LIMCH1: variants seen among roughly 807,000 people sequenced by gnomAD.
The protein encoded by LIMCH1 is LIM and calponin homology domains-containing protein 1.
Under a neutral mutation model 176.5 loss-of-function variants are expected in LIMCH1, and 113 were observed. The observed-to-expected ratio is 0.64, with a 90% confidence interval of 0.55 to 0.75. The LOEUF (loss-of-function observed/expected upper bound fraction) is 0.75. Among genes scored for constraint, LIMCH1 ranks in the 30% least tolerant of loss-of-function variants. The probability of loss-of-function intolerance (pLI) is 0.00; values close to 1 mark genes in which losing one functional copy is unlikely to be tolerated. For synonymous variants in LIMCH1, 619 were observed against 645.9 expected (o/e 0.96, Z 0.63); for missense variants, 1,674 against 1,814.9 (o/e 0.92, Z 1.41).
intron 15 of LIMCH1, 23 bp downstream of exon 15, chr4:41,644,649 G>A (rs1225147628): frequency 1.9e-6 from 3 of 1,590,932 alleles, no homozygotes; most frequent in African/African-American, 1.4e-5. Context: ...CAAGGCGCGC[G>A]GGCAGCGGGG....
At chr4:41,682,924 G>A (rs963784893) in intron 26 of LIMCH1, among the ~76,000 whole-genome samples, 9 of 152,124 alleles carry the variant, frequency 5.9e-5, no homozygotes, top group African/African-American at 2.2e-4. Context: ...TGATCCACCT[G>A]CCTCTACCTC....
At position 41,681,021 on chromosome 4, in the gene LIMCH1, T is replaced by G. The variant is rs761653460; in HGVS notation, c.3679T>G (p.Ser1227Ala). 6.2e-7 allele frequency: 1 copy of G among 1,612,596 alleles called. No individual in the cohort carries two copies. The highest frequency in any genetic ancestry group is 1.1e-5 in the South Asian group (1 of 91,006). Residue 1227 changes from serine (S) to alanine (A), a missense_variant, in exon 25 of 32, where the codon TCT (serine) becomes GCT (alanine). Ser to Ala is a moderately conservative substitution (Grantham distance 99). Coordinates refer to ENST00000503057, the MANE Select transcript of LIMCH1 (RefSeq NM_001330672.2). ...TTCTTCAAGTTCCGCTGACCAGCTG[T>G]CTACCTCTTCCTCCATGACTGAAGG... ...TVSSSSADQL[S>A]TSSSMTEGSG...
chr4:41,410,443 C>T (rs1034841459), intron 1 of LIMCH1, among the ~76,000 whole-genome samples: 12 of 152,172 alleles, frequency 7.9e-5, no homozygotes, highest in African/African-American at 2.7e-4. Context: ...TCATTGGCGT[C>T]GTAGGAAAGA....
intron 1 of LIMCH1, among the ~76,000 whole-genome samples, chr4:41,482,834 G>A (rs1052808447): frequency 6.6e-6 from 1 of 152,156 alleles, no homozygotes; most frequent in African/African-American, 2.4e-5. Context: ...CCATTAGCAT[G>A]TCTTAATTAG....
intron 1 of LIMCH1, among the ~76,000 whole-genome samples, chr4:41,565,113 T>C (rs1227931170): frequency 2.0e-5 from 3 of 152,136 alleles, no homozygotes; most frequent in Non-Finnish European, 4.4e-5. Flanking sequence ...ATAAGCAGTG[T>C]CCTCAAATTA....
intron 22 of LIMCH1, 56 bp from the exon 23 acceptor site, chr4:41,676,326 G>A: frequency 7.0e-7 from 1 of 1,425,610 alleles, no homozygotes; most frequent in Admixed American, 1.7e-5. Flanking sequence ...TCTTCACCCG[G>A]CCTGTCCCTT....
intron 1 of LIMCH1, among the ~76,000 whole-genome samples, chr4:41,368,903 G>C (rs984663538): frequency 4.6e-5 from 7 of 152,126 alleles, no homozygotes; most frequent in Non-Finnish European, 1.0e-4. Flanking sequence ...TAAAATTCTT[G>C]GACAAAATAG....
intron 1 of LIMCH1, among the ~76,000 whole-genome samples, chr4:41,428,243 T>C (rs1428452396): frequency 6.6e-6 from 1 of 152,206 alleles, no homozygotes; most frequent in Non-Finnish European, 1.5e-5. Flanking sequence ...TCAAATCATC[T>C]GCCTCTTACT....
intron 3 of LIMCH1, among the ~76,000 whole-genome samples, chr4:41,530,179 T>C (rs1278319501): frequency 6.6e-6 from 1 of 152,228 alleles, no homozygotes; most frequent in Non-Finnish European, 1.5e-5. Context: ...TTCCACATTA[T>C]GAGAAGATTA....
chr4:41,625,102 G>A (rs114552286), intron 7 of LIMCH1, among the ~76,000 whole-genome samples: 1 of 152,174 alleles, frequency 6.6e-6, no homozygotes, highest in Non-Finnish European at 1.5e-5. Context: ...AAGCCAGACA[G>A]CCTGGCCTGC....
At chr4:41,384,326 T>C (rs2056169078) in intron 1 of LIMCH1, among the ~76,000 whole-genome samples, 1 of 151,434 alleles carries the variant, frequency 6.6e-6, no homozygotes, top group Non-Finnish European at 1.5e-5. Flanking sequence ...TGCCTCAGCC[T>C]CCCTAGTAAC....
intron 24 of LIMCH1, among the ~76,000 whole-genome samples, chr4:41,680,576 A>G (rs1228357913): frequency 1.3e-5 from 2 of 152,214 alleles, no homozygotes; most frequent in African/African-American, 4.8e-5. Flanking sequence ...GCCAGAACAC[A>G]TTAGATAACT....
chr4:41,667,753 G>A (rs1049382164), intron 21 of LIMCH1, among the ~76,000 whole-genome samples: 2 of 152,138 alleles, frequency 1.3e-5, no homozygotes, highest in African/African-American at 4.8e-5. Flanking sequence ...AGTGGAGGAT[G>A]GGTTCTGAGA....
In LIMCH1 at chr4:41,676,422, G is replaced by C; in HGVS notation, c.3479G>C (p.Arg1160Pro). ...WAWDPEEERR[R>P]QEKWQQEQER... ...TGGGACCCAGAAGAGGAGCGCAGGC[G>C]ACAGGAAAAATGGCAACAGGAACAG... is the stretch of plus-strand genomic sequence containing the variant. The change falls in exon 23 of 32, where the codon CGA becomes CCA. Residue 1160 changes from arginine to proline, a missense_variant. Coordinates refer to ENST00000503057, the MANE Select transcript of LIMCH1 (RefSeq NM_001330672.2). 1 of 1,614,040 alleles carries C rather than the reference G, an allele frequency of 6.2e-7. No individual in the cohort carries two copies. The highest frequency in any genetic ancestry group is 8.5e-7 in the Non-Finnish European group (1 of 1,179,916).
chr4:41,547,863 G>GTGTATATATATATATATATATA (rs774873739), intron 1 of LIMCH1, among the ~76,000 whole-genome samples: 1 of 93,220 alleles, frequency 1.1e-5, no homozygotes, highest in African/African-American at 4.4e-5. Context: ...TTGTGTGTGT[G>GTGTATATATATATATATATATA]TATATATATA....
chr4:41,588,593 G>A (rs2086906865), intron 1 of LIMCH1, among the ~76,000 whole-genome samples: 1 of 152,150 alleles, frequency 6.6e-6, no homozygotes, highest in Non-Finnish European at 1.5e-5. Flanking sequence ...ACATAAACAT[G>A]GGAATCAGAC....
At chr4:41,594,392 C>T (rs2088299589) in intron 1 of LIMCH1, among the ~76,000 whole-genome samples, 1 of 152,284 alleles carries the variant, frequency 6.6e-6, no homozygotes, top group African/African-American at 2.4e-5. Flanking sequence ...TACTTCTTTT[C>T]CCTTGGGATT....
chr4:41,469,830 T>C (rs1431498312), intron 1 of LIMCH1, among the ~76,000 whole-genome samples: 4 of 151,968 alleles, frequency 2.6e-5, no homozygotes, highest in African/African-American at 9.7e-5. Flanking sequence ...TACAGGTGCC[T>C]GCCACCAGGC....
At chr4:41,618,165 C>T (rs771616415) in intron 5 of LIMCH1, among the ~76,000 whole-genome samples, 8 of 152,128 alleles carry the variant, frequency 5.3e-5, no homozygotes, top group Non-Finnish European at 7.4e-5. Flanking sequence ...TTTGTTACCA[C>T]CATAGTTGAA....
Sources: allele counts gnomAD v4.1 joint callset (sites outside exome capture counted in the v4.1 genomes callset), GRCh38; gene constraint gnomAD v4.1.1; transcripts MANE v1.5; gene names NCBI Gene and HGNC (gene_info 2026-07-23, HGNC 2026-07-21).